GLRA2: variants seen among roughly 807,000 people sequenced by gnomAD.
GLRA2 encodes glycine receptor subunit alpha-2.
In GLRA2, 11 loss-of-function variants were observed where a neutral mutation model predicts 31.6. The ratio of observed to expected loss-of-function variants is 0.35; its 90% CI spans 0.22 to 0.58. The LOEUF (loss-of-function observed/expected upper bound fraction) is 0.58. Ranked by LOEUF, GLRA2 falls within the 20% of genes least tolerant of loss-of-function variation. The pLI is 0.84. For synonymous variants in GLRA2, 132 were observed against 134.0 expected (o/e 0.99, Z 0.10); for missense variants, 212 against 351.8 (o/e 0.60, Z 3.18).
chrX:14,655,737 G>A (rs974393390), intron 7 of GLRA2, among the ~76,000 whole-genome samples: 4 of 103,446 alleles, frequency 3.9e-5, no homozygotes, highest in Admixed American at 1.0e-4. Flanking sequence ...GCTTCCCTCC[G>A]CATCCTCCCA....
the GLRA2 span, among the ~76,000 whole-genome samples, chrX:14,486,551 G>A: frequency 3.6e-5 from 4 of 111,361 alleles, no homozygotes; most frequent in Non-Finnish European, 7.5e-5. Context: ...AGTTAAGCAG[G>A]CACTTCAAAA....
the GLRA2 span, among the ~76,000 whole-genome samples, chrX:14,465,461 T>G: frequency 8.9e-6 from 1 of 112,539 alleles, no homozygotes; most frequent in Non-Finnish European, 1.9e-5. Context: ...CTTGCTTAAT[T>G]GCTCTGGTTA....
the GLRA2 span, among the ~76,000 whole-genome samples, chrX:14,519,713 G>A: frequency 8.9e-6 from 1 of 111,954 alleles, no homozygotes; most frequent in Non-Finnish European, 1.9e-5. Context: ...GTATCAGTAA[G>A]CTGATCTCCC....
chrX:14,720,186 G>A (rs2091847602), intron 8 of GLRA2, among the ~76,000 whole-genome samples: 1 of 111,359 alleles, frequency 9.0e-6, no homozygotes, highest in Admixed American at 9.6e-5. Context: ...AGAGGATTTT[G>A]AATGTTATCA....
chrX:14,662,449 A>G (rs1185752358), intron 7 of GLRA2, among the ~76,000 whole-genome samples: 2 of 112,083 alleles, frequency 1.8e-5, no homozygotes, highest in Non-Finnish European at 3.8e-5. Flanking sequence ...AAGCTAACTC[A>G]TTTTTAAAAC....
chrX:14,460,836 G>T, the GLRA2 span, among the ~76,000 whole-genome samples: 1 of 110,146 alleles, frequency 9.1e-6, no homozygotes, highest in East Asian at 2.9e-4. Context: ...TTTTTTGAAG[G>T]GTTTTTTTTG....
intron 4 of GLRA2, among the ~76,000 whole-genome samples, chrX:14,587,812 T>C (rs1297670210): frequency 2.7e-5 from 3 of 111,985 alleles, no homozygotes; most frequent in Non-Finnish European, 5.6e-5. Flanking sequence ...ATTTGGCAAC[T>C]TTTGTTTTTG....
intron 2 of GLRA2, among the ~76,000 whole-genome samples, chrX:14,566,793 C>T (rs751786224): frequency 9.0e-6 from 1 of 111,075 alleles, no homozygotes; most frequent in South Asian, 3.8e-4. Flanking sequence ...CCACTTGAAA[C>T]GATTGCCTGC....
the GLRA2 span, among the ~76,000 whole-genome samples, chrX:14,451,355 G>A: frequency 9.0e-6 from 1 of 110,852 alleles, no homozygotes; most frequent in South Asian, 3.9e-4. Context: ...AGTGGGCTGG[G>A]TGTGGTAGCT....
At chrX:14,461,926 G>T in the GLRA2 span, among the ~76,000 whole-genome samples, 2 of 112,107 alleles carry the variant, frequency 1.8e-5, no homozygotes, top group Non-Finnish European at 3.8e-5. Context: ...GTTAATTGAT[G>T]CAGTTTCTTC....
In GLRA2 at chrX:14,604,543, A is replaced by AGTGTGT. The variant is rs377121617; in HGVS notation, c.577+191_577+196dup. 1.0e-3 allele frequency: 165 copies of AGTGTGT among 161,414 alleles called. 2 individuals are homozygous for AGTGTGT. The highest frequency in any genetic ancestry group is 2.4e-3 in the East Asian group (17 of 7,095). The allele number at this position is 161,414 out of a possible 1,213,427, so 13.3% of individuals were successfully genotyped here. A position where few individuals can be genotyped will look rare whatever the true frequency, so the allele number is the denominator to read the frequency against. The stretch of plus-strand genomic sequence containing the variant: ...ACATCCTAATGGAAAGACAAACCAA[A>AGTGTGT]GTGTGTGTGTGTGTGTGTGTGTGTG... On this transcript the variant is annotated intron_variant, in intron 5 of 8. Coordinates refer to ENST00000218075, the MANE Select transcript of GLRA2 (RefSeq NM_002063.4).
At chrX:14,534,156 A>G (rs2089293012) in intron 2 of GLRA2, among the ~76,000 whole-genome samples, 1 of 109,572 alleles carries the variant, frequency 9.1e-6, no homozygotes, top group Non-Finnish European at 1.9e-5. Context: ...GATATTTATC[A>G]TGGTTCCAAA....
intron 8 of GLRA2, among the ~76,000 whole-genome samples, chrX:14,709,179 A>C (rs1324503379): frequency 2.7e-5 from 3 of 111,131 alleles, no homozygotes; most frequent in Non-Finnish European, 5.7e-5. Flanking sequence ...GGCTGCAGTG[A>C]GCTATGATCA....
intron 2 of GLRA2, among the ~76,000 whole-genome samples, chrX:14,573,338 C>T (rs966434020): frequency 6.3e-5 from 7 of 111,808 alleles, no homozygotes; most frequent in Non-Finnish European, 1.3e-4. Flanking sequence ...GGCCTCAAGC[C>T]AAATTCCTCT....
At chrX:14,526,562 A>G (rs1240326315), upstream of GLRA2, among the ~76,000 whole-genome samples, 1 of 111,607 alleles carries the variant, frequency 9.0e-6, no homozygotes, top group African/African-American at 3.3e-5. Context: ...GATTTAGGAG[A>G]AAAAAATCAA....
the GLRA2 span, among the ~76,000 whole-genome samples, chrX:14,493,632 C>T: frequency 3.1e-4 from 28 of 91,267 alleles, no homozygotes; most frequent in South Asian, 0.012. Context: ...CACATATATA[C>T]ATATATACAT....
At chrX:14,514,184 A>G in the GLRA2 span, among the ~76,000 whole-genome samples, 3 of 110,368 alleles carry the variant, frequency 2.7e-5, no homozygotes, top group African/African-American at 9.9e-5. Context: ...GTTCTCACTC[A>G]TAAGTGGGAG....
chrX:14,457,409 C>G, the GLRA2 span, among the ~76,000 whole-genome samples: 25 of 107,440 alleles, frequency 2.3e-4, no homozygotes, highest in Non-Finnish European at 1.2e-4. Flanking sequence ...TCCATGTGAT[C>G]TCATTGTTCA....
At chrX:14,457,454 G>A in the GLRA2 span, among the ~76,000 whole-genome samples, 5 of 110,256 alleles carry the variant, frequency 4.5e-5, no homozygotes, top group East Asian at 5.7e-4. Flanking sequence ...GCAGTGTTTG[G>A]TTTTCTGATC....
Sources: gnomAD v4.1 joint callset for allele counts (sites outside exome capture counted in the v4.1 genomes callset) on GRCh38, gnomAD v4.1.1 for gene constraint, MANE v1.5 for transcripts, NCBI Gene and HGNC (gene_info 2026-07-23, HGNC 2026-07-21) for gene names.